The following EHF variants were observed in gnomAD, a reference collection of about 807,000 sequenced individuals.
The protein encoded by EHF is ETS homologous factor, also known as ESE3 transcription factor.
Under a neutral mutation model 45.1 loss-of-function variants are expected in EHF, and 14 were observed. The ratio of observed to expected loss-of-function variants is 0.31; its 90% CI spans 0.21 to 0.49. The LOEUF is 0.49. Ranked by LOEUF, EHF falls within the 20% of genes least tolerant of loss-of-function variation. EHF has a pLI of 0.99. For synonymous variants in EHF, 136 were observed against 131.8 expected, an observed-to-expected ratio of 1.03 and a Z score of -0.22; for missense variants, 282 against 371.4, an observed-to-expected ratio of 0.76 and a Z score of 1.98.
chr11:34,647,068 A>G (rs555819164), intron 3 of EHF, among the ~76,000 whole-genome samples: 11 of 147,148 alleles, frequency 7.5e-5, no homozygotes, highest in African/African-American at 1.6e-4. Context: ...AAAAACAAAA[A>G]ACAAAACAAA....
intron 1 of EHF, 156 bp from the exon 2 acceptor site, chr11:34,642,472 T>A: frequency 1.8e-6 from 1 of 557,252 alleles, no homozygotes; most frequent in South Asian, 2.4e-5. Flanking sequence ...CTGTGAGTTT[T>A]GCTTTTACAA....
chr11:34,661,563 T>A lies in EHF; in HGVS notation c.*2632T>A, dbSNP rs1856086796. Among the ~76,000 whole-genome samples the A allele has an allele frequency of 6.6e-6, 1 of 152,124 alleles. No homozygotes were observed. Among genetic ancestry groups the A allele is most frequent in the Non-Finnish European group, 1.5e-5 (1 of 68,004 alleles). ...ATCTGGTGCCTGATTAAGGCTTGAG[T>A]ATTAAGTTCTCAGCATATCTCTCTA... On this transcript the variant is annotated 3_prime_UTR_variant, in exon 9 of 9. Coordinates refer to ENST00000257831, the MANE Select transcript of EHF (RefSeq NM_012153.6).
chr11:34,650,272 G>A (rs1332904363), intron 4 of EHF, among the ~76,000 whole-genome samples: 1 of 152,198 alleles, frequency 6.6e-6, no homozygotes, highest in Admixed American at 6.5e-5. Context: ...TGGAGAAGAA[G>A]GTCCACCCTA....
intron 7 of EHF, among the ~76,000 whole-genome samples, chr11:34,658,181 AC>A (rs1017995317): frequency 5.3e-5 from 8 of 152,044 alleles, no homozygotes; most frequent in African/African-American, 1.7e-4. Flanking sequence ...GTTGAAGTGA[AC>A]CCCAAGCAAT....
At chr11:34,648,525 T>G (rs2134158707) in intron 3 of EHF, among the ~76,000 whole-genome samples, 1 of 152,320 alleles carries the variant, frequency 6.6e-6, no homozygotes, top group South Asian at 2.1e-4. Context: ...GTAATCATGA[T>G]GGCATTGATT....
intron 1 of EHF, among the ~76,000 whole-genome samples, chr11:34,638,587 C>T (rs992377989): frequency 2.0e-5 from 3 of 152,084 alleles, no homozygotes; most frequent in African/African-American, 7.2e-5. Flanking sequence ...TGGTTTTTGC[C>T]TCAGGGACAT....
intron 3 of EHF, chr11:34,646,946 G>A: frequency 1.9e-6 from 1 of 515,344 alleles, no homozygotes; most frequent in Non-Finnish European, 3.3e-6. Flanking sequence ...GACAAAAGCT[G>A]GCTAGGAATT....
intron 1 of EHF, among the ~76,000 whole-genome samples, chr11:34,622,725 A>G (rs973955589): frequency 4.6e-5 from 7 of 152,240 alleles, no homozygotes; most frequent in African/African-American, 1.7e-4. Context: ...AGTCATGTAG[A>G]CAACACCATT....
Position 34,632,705 on chromosome 11 carries a change from C to G in EHF, c.-3-9923C>G. 2.6e-6 allele frequency: 4 copies of G among 1,528,694 alleles called. No homozygotes were observed. The African/African-American group carries it at 4.1e-5, about 16-fold the overall frequency. The allele number at this position is 1,528,694 out of a possible 1,614,324, so 94.7% of individuals were successfully genotyped here. A position where few individuals can be genotyped will look rare whatever the true frequency, so the allele number is the denominator to read the frequency against. The stretch of plus-strand genomic sequence containing the variant: ...GTTGCCCGGCTCTCTCTGCTCTTGC[C>G]CCATTCCATTCACAACAGGAGGTGG... On this transcript the variant is annotated intron_variant, in intron 1 of 8. Transcript: ENST00000257831.
At chr11:34,642,962 C>A (rs1854154792) in intron 2 of EHF, among the ~76,000 whole-genome samples, 1 of 152,030 alleles carries the variant, frequency 6.6e-6, no homozygotes, top group South Asian at 2.1e-4. Context: ...AGATTGACAG[C>A]CTGGCAGTGA....
rs16926029 is a variant in EHF, at chr11:34,662,615, T to C, written c.*3684T>C. 0.023 allele frequency among the ~76,000 whole-genome samples: 3,446 copies of C among 152,258 alleles called. 123 individuals carry two copies. Among genetic ancestry groups the C allele is most frequent in the African/African-American group, 0.079 (3,289 of 41,552 alleles). On this transcript the variant is annotated 3_prime_UTR_variant, in exon 9 of 9. Transcript: ENST00000257831. ...TTTTGAAAAATACTGAGGGATCTTT[T>C]GATAAAGTTAGTAATGCATGTTAGA...
In EHF at chr11:34,657,997, C is replaced by T. The variant is rs1024393988; in HGVS notation, c.608-536C>T. Among the ~76,000 whole-genome samples the T allele has an allele frequency of 2.1e-4, 32 of 151,976 alleles. 1 individual carries two copies. The highest frequency in any genetic ancestry group is 7.2e-4 in the African/African-American group (30 of 41,384). Reference sequence around the variant, plus strand: ...TGGCTTCATTTTCAAATTGGGTCCTCCAGTCCCTGCGTGACCACCCCTTTC... The same window carrying T: ...TGGCTTCATTTTCAAATTGGGTCCTTCAGTCCCTGCGTGACCACCCCTTTC... On this transcript the variant is annotated intron_variant, in intron 7 of 8. Coordinates refer to ENST00000257831, the MANE Select transcript of EHF (RefSeq NM_012153.6).
rs1854118048 is a variant in EHF, at chr11:34,642,613, T to G, written c.-3-15T>G. Reference sequence around the variant, plus strand: ...AAGAGGCACTGACTGAACAGGCTGTTTGATCCCCTAACAGATCATGATTCT... The same window carrying G: ...AAGAGGCACTGACTGAACAGGCTGTGTGATCCCCTAACAGATCATGATTCT... On this transcript the variant is annotated splice_polypyrimidine_tract_variant and intron_variant, in intron 1 of 8. Coordinates refer to ENST00000257831, the MANE Select transcript of EHF (RefSeq NM_012153.6). 3 of 1,571,536 alleles carry G rather than the reference T, an allele frequency of 1.9e-6. No individual in the cohort carries two copies. The South Asian group carries it at 3.3e-5, about 17-fold the overall frequency.
chr11:34,645,325 G>A (rs929163407), intron 2 of EHF, among the ~76,000 whole-genome samples: 2 of 152,128 alleles, frequency 1.3e-5, no homozygotes, highest in Non-Finnish European at 2.9e-5. Flanking sequence ...GCATCTGAAT[G>A]TACCATCTTG....
chr11:34,639,491 T>C (rs1853773598), intron 1 of EHF, among the ~76,000 whole-genome samples: 1 of 152,234 alleles, frequency 6.6e-6, no homozygotes, highest in Non-Finnish European at 1.5e-5. Flanking sequence ...GTGAGGCTGT[T>C]GGGGCAAGTG....
Position 34,659,680 on chromosome 11 carries a change from A to C in EHF, c.*749A>C, listed in dbSNP as rs1314875779. On this transcript the variant is annotated 3_prime_UTR_variant, in exon 9 of 9. Transcript: ENST00000257831. Reference sequence around the variant, plus strand: ...CCTGTCTGCTCACTTCTAGCTATTTAAGAGAGAACCCAGCTTGGTTCTTTT... The same window carrying C: ...CCTGTCTGCTCACTTCTAGCTATTTCAGAGAGAACCCAGCTTGGTTCTTTT... The C allele has an allele frequency of 2.6e-5, 4 of 152,180 alleles. No homozygotes were observed. The East Asian group carries it at 7.7e-4, about 29-fold the overall frequency. 9.4% of individuals were successfully genotyped at this position (152,180 alleles called of 1,614,324 possible).
At chr11:34,627,346 A>G (rs185221795) in intron 1 of EHF, among the ~76,000 whole-genome samples, 272 of 152,212 alleles carry the variant, frequency 1.8e-3, no homozygotes, top group African/African-American at 6.4e-3. Flanking sequence ...TATGCAGCAC[A>G]TTCCTGTTCT....
chr11:34,642,566 C>A, intron 1 of EHF, 62 bp from the exon 2 acceptor site: 3 of 1,028,804 alleles, frequency 2.9e-6, no homozygotes, highest in East Asian at 2.4e-5. Flanking sequence ...CTGTGATCTG[C>A]ACTTTCCAAT....
chr11:34,622,879 A>T (rs922331943), intron 1 of EHF, among the ~76,000 whole-genome samples: 3 of 152,222 alleles, frequency 2.0e-5, no homozygotes, highest in Non-Finnish European at 4.4e-5. Flanking sequence ...TTACAGAGGC[A>T]TTTTAAATGA....
Sources: gnomAD v4.1 joint callset for allele counts (sites outside exome capture counted in the v4.1 genomes callset) on GRCh38, gnomAD v4.1.1 for gene constraint, MANE v1.5 for transcripts, NCBI Gene and HGNC (gene_info 2026-07-23, HGNC 2026-07-21) for gene names.